The following RUNX2 variants were observed in gnomAD, a reference collection of about 807,000 sequenced individuals.
RUNX2 encodes RUNX family transcription factor 2.
Under a neutral mutation model 51.7 loss-of-function variants are expected in RUNX2, and 10 were observed. That is an observed-to-expected ratio of 0.19 (90% CI 0.12 to 0.33). RUNX2 has a LOEUF of 0.33. RUNX2 is among the 10% of genes least tolerant of loss of function. The pLI, the probability that RUNX2 is intolerant of heterozygous loss-of-function variation, is 1.00. For missense variants in RUNX2, 562 were observed against 691.3 expected (o/e 0.81, Z 2.10); for synonymous variants, 276 against 273.6 (o/e 1.01, Z -0.09).
At chr6:45,370,187 T>C (rs906902557) in intron 2 of RUNX2, among the ~76,000 whole-genome samples, 8 of 152,176 alleles carry the variant, frequency 5.3e-5, no homozygotes, top group Non-Finnish European at 7.3e-5. Flanking sequence ...AGACAAGAGA[T>C]GACAGTGGGT....
chr6:45,534,159 T>A (rs1801957348), intron 7 of RUNX2, among the ~76,000 whole-genome samples: 1 of 152,008 alleles, frequency 6.6e-6, no homozygotes, highest in Non-Finnish European at 1.5e-5. Context: ...CCTCCCAAAG[T>A]GCTGGGATTA....
intron 6 of RUNX2, among the ~76,000 whole-genome samples, chr6:45,504,456 C>T (rs1800896806): frequency 6.6e-6 from 1 of 152,156 alleles, no homozygotes. Context: ...GTGCCAGAGC[C>T]TCCAGTCTAG....
chr6:45,365,092 A>G, intron 2 of RUNX2: 1 of 711,424 alleles, frequency 1.4e-6, no homozygotes, highest in Non-Finnish European at 2.1e-6. Flanking sequence ...TACTTGATTA[A>G]TAACAAATTA....
chr6:45,426,859 A>AG (rs1447949772), intron 3 of RUNX2, among the ~76,000 whole-genome samples: 1 of 152,212 alleles, frequency 6.6e-6, no homozygotes, highest in East Asian at 1.9e-4. Context: ...AAACAAATAT[A>AG]CAACTGGTAA....
chr6:45,345,500 CCTG>C lies in RUNX2; in HGVS notation c.58+16718_58+16720del, dbSNP rs557522169. On this transcript the variant is annotated intron_variant, in intron 2 of 8. Coordinates refer to ENST00000647337, the MANE Select transcript of RUNX2 (RefSeq NM_001024630.4). ...TACAAATGATAAACCAACGCTCAAA[CCTG>C]CAGCTTAATGGCACGATCAGCTTGC... 1.5e-3 allele frequency among the ~76,000 whole-genome samples: 230 copies of C among 152,262 alleles called. 2 individuals carry two copies. Among genetic ancestry groups the C allele is most frequent in the African/African-American group, 5.4e-3 (224 of 41,538 alleles).
intron 2 of RUNX2, chr6:45,421,262 G>T (rs1303447875): frequency 6.6e-6 from 1 of 152,064 alleles, no homozygotes; most frequent in African/African-American, 2.4e-5. Context: ...CAGTTTTTCA[G>T]TCCTTAAAAC....
intron 6 of RUNX2, among the ~76,000 whole-genome samples, chr6:45,511,450 T>G (rs541785998): frequency 6.6e-6 from 1 of 152,252 alleles, no homozygotes; most frequent in Non-Finnish European, 1.5e-5. Context: ...ATTTTCTTAC[T>G]GTCAGAAACT....
At chr6:45,534,458 T>C (rs1474508472) in intron 7 of RUNX2, among the ~76,000 whole-genome samples, 1 of 152,130 alleles carries the variant, frequency 6.6e-6, no homozygotes, top group Admixed American at 6.5e-5. Context: ...AAATCTGAGA[T>C]GTTACCTTAT....
intron 3 of RUNX2, among the ~76,000 whole-genome samples, chr6:45,430,929 T>C (rs1421749697): frequency 6.6e-6 from 1 of 152,186 alleles, no homozygotes; most frequent in Non-Finnish European, 1.5e-5. Flanking sequence ...GTTTCATATA[T>C]GACAGTGAAG....
At chr6:45,413,508 G>A (rs1335533665) in intron 2 of RUNX2, among the ~76,000 whole-genome samples, 1 of 128,160 alleles carries the variant, frequency 7.8e-6, no homozygotes, top group Non-Finnish European at 1.5e-5. Context: ...TTGGCTCACT[G>A]CAACATTTGC....
At chr6:45,495,432 CTTAG>C (rs912967640) in intron 6 of RUNX2, among the ~76,000 whole-genome samples, 7 of 152,218 alleles carry the variant, frequency 4.6e-5, no homozygotes, top group South Asian at 2.1e-4. Flanking sequence ...AAAACATTTA[CTTAG>C]TTAAACTGTT....
chr6:45,520,746 A>T (rs1386914731), intron 7 of RUNX2, among the ~76,000 whole-genome samples: 1 of 151,920 alleles, frequency 6.6e-6, no homozygotes, highest in Non-Finnish European at 1.5e-5. Flanking sequence ...TTTGAGACAG[A>T]GTCTCACTCT....
In RUNX2 at chr6:45,337,991, CTAAT is replaced by C. The variant is rs1164032804; in HGVS notation, c.58+9210_58+9213del. 2.0e-5 allele frequency among the ~76,000 whole-genome samples: 3 copies of C among 152,030 alleles called. No individual in the cohort carries two copies. In the East Asian group the frequency reaches 5.8e-4, roughly 29 times the overall value. The stretch of plus-strand genomic sequence containing the variant: ...GGATTCTAAATGCTTCTTTCATACT[CTAAT>C]TACACATTAATCATGGAACCTATAA... On this transcript the variant is annotated intron_variant, in intron 2 of 8. Coordinates refer to ENST00000647337, the MANE Select transcript of RUNX2 (RefSeq NM_001024630.4).
intron 2 of RUNX2, among the ~76,000 whole-genome samples, chr6:45,332,980 C>T (rs1787813333): frequency 6.6e-6 from 1 of 151,532 alleles, no homozygotes; most frequent in Non-Finnish European, 1.5e-5. Flanking sequence ...TCCTCACCCC[C>T]CAAAAAATCA....
At chr6:45,373,781 G>A (rs1796416221) in intron 2 of RUNX2, among the ~76,000 whole-genome samples, 1 of 152,120 alleles carries the variant, frequency 6.6e-6, no homozygotes, top group Non-Finnish European at 1.5e-5. Context: ...TCCAACTCCT[G>A]ACATCAAGTG....
chr6:45,546,230 G>C (rs1477108990), intron 8 of RUNX2, among the ~76,000 whole-genome samples: 1 of 152,032 alleles, frequency 6.6e-6, no homozygotes, highest in Non-Finnish European at 1.5e-5. Context: ...GAGAAGTTAT[G>C]AGTTTCTGGT....
chr6:45,341,761 T>C (rs1789833772), intron 2 of RUNX2, among the ~76,000 whole-genome samples: 3 of 152,190 alleles, frequency 2.0e-5, no homozygotes, highest in Admixed American at 2.0e-4. Context: ...TGGTACCCTA[T>C]CTGGCAATGA....
At chr6:45,545,948 A>C (rs746587349) in intron 8 of RUNX2, among the ~76,000 whole-genome samples, 1 of 152,190 alleles carries the variant, frequency 6.6e-6, no homozygotes, top group Non-Finnish European at 1.5e-5. Flanking sequence ...CTTTGCCTTC[A>C]GGTTACTGCT....
At chr6:45,522,812 C>T (rs967000824) in intron 7 of RUNX2, among the ~76,000 whole-genome samples, 2 of 152,210 alleles carry the variant, frequency 1.3e-5, no homozygotes, top group African/African-American at 2.4e-5. Flanking sequence ...CTGCATGCTT[C>T]AGGGTTCTTA....
Sources: gnomAD v4.1 joint callset for allele counts (sites outside exome capture counted in the v4.1 genomes callset) on GRCh38, gnomAD v4.1.1 for gene constraint, MANE v1.5 for transcripts, NCBI Gene and HGNC (gene_info 2026-07-23, HGNC 2026-07-21) for gene names.